Variants in DNM3 observed in about 807,000 individuals in gnomAD.
DNM3 encodes the protein dynamin-3.
In DNM3, 47 loss-of-function variants were observed where a neutral mutation model predicts 101.6. The ratio of observed to expected loss-of-function variants is 0.46; its 90% CI spans 0.37 to 0.59. The LOEUF is 0.59. Among genes scored for constraint, DNM3 ranks in the 20% least tolerant of loss-of-function variants. DNM3 has a pLI of 0.00. For missense variants in DNM3, 849 were observed against 1,085.7 expected (o/e 0.78, Z 3.06); for synonymous variants, 385 against 387.9 (o/e 0.99, Z 0.09).
At chr1:171,848,263 A>G (rs561302617) in intron 1 of DNM3, among the ~76,000 whole-genome samples, 1 of 151,980 alleles carries the variant, frequency 6.6e-6, no homozygotes, top group East Asian at 1.9e-4. Flanking sequence ...ACTCTCTTTC[A>G]TTACTCTTCT....
chr1:172,232,665 G>A (rs1216602001), intron 14 of DNM3, among the ~76,000 whole-genome samples: 1 of 152,164 alleles, frequency 6.6e-6, no homozygotes, highest in Non-Finnish European at 1.5e-5. Flanking sequence ...AAATGTAAAA[G>A]AACAGAAATT....
At chr1:172,417,584 CAG>C (rs1333852678), downstream of DNM3, among the ~76,000 whole-genome samples, 1 of 152,198 alleles carries the variant, frequency 6.6e-6, no homozygotes, top group Admixed American at 6.5e-5. Context: ...AGCTCTTAGA[CAG>C]AGGGAAATCC....
chr1:172,066,671 A>G (rs1572353560), intron 10 of DNM3, among the ~76,000 whole-genome samples: 1 of 152,260 alleles, frequency 6.6e-6, no homozygotes, highest in African/African-American at 2.4e-5. Context: ...ATGCTTGTGC[A>G]TAACCACATT....
At chr1:172,000,714 C>A (rs562917422) in intron 4 of DNM3, among the ~76,000 whole-genome samples, 100 of 152,128 alleles carry the variant, frequency 6.6e-4, no homozygotes, top group African/African-American at 2.3e-3. Context: ...TTGGATCTGG[C>A]ACTTGAAGGT....
At chr1:172,298,602 A>T (rs778639428) in intron 15 of DNM3, among the ~76,000 whole-genome samples, 1 of 151,746 alleles carries the variant, frequency 6.6e-6, no homozygotes, top group Non-Finnish European at 1.5e-5. Context: ...CCTGAGTACC[A>T]CTCCCAATAT....
rs754902487 is a variant in DNM3 at position 171,973,672 on chromosome 1, C to CTT, written c.236-13968_236-13967dup. On this transcript the variant is annotated intron_variant, in intron 2 of 20. Coordinates refer to ENST00000627582, the MANE Select transcript of DNM3 (RefSeq NM_015569.5). Reference sequence around the variant, plus strand: ...TCAAACATGGGTCTGACTCCAAAATCTTTTTTTTTTTTTTTTTGATACAAG... The same window carrying CTT: ...TCAAACATGGGTCTGACTCCAAAATCTTTTTTTTTTTTTTTTTTTGATACAAG... Among the ~76,000 whole-genome samples the CTT allele has an allele frequency of 4.6e-3, 624 of 137,108 alleles. 11 individuals are homozygous for CTT. Among genetic ancestry groups the CTT allele is most frequent in the African/African-American group, 0.015 (574 of 37,252 alleles). 89.9% of individuals were successfully genotyped at this position (137,108 alleles called of 152,430 possible).
intron 1 of DNM3, among the ~76,000 whole-genome samples, chr1:171,845,882 A>G (rs12132389): frequency 0.43 from 65,057 of 152,082 alleles, 14,106 homozygotes; most frequent in African/African-American, 0.46. Flanking sequence ...TGCTAATTAT[A>G]TAGGCAGAAG....
intron 1 of DNM3, among the ~76,000 whole-genome samples, chr1:171,908,639 TA>T (rs1250471739): frequency 6.8e-6 from 1 of 147,866 alleles, no homozygotes; most frequent in Non-Finnish European, 1.5e-5. Context: ...TGCTTCATTT[TA>T]AAGTATTTTA....
Position 172,056,903 on chromosome 1 carries a change from G to A in DNM3, c.1335+8153G>A, listed in dbSNP as rs1419432046. Among the ~76,000 whole-genome samples, 24 of 152,110 alleles carry A rather than the reference G, an allele frequency of 1.6e-4. No homozygotes were observed. The East Asian group carries it at 1.9e-3, about 12-fold the overall frequency. ...AGATGATCAAATTACTCTGAGCTAC[G>A]GGAGGACATTCAAACCAAAGGCAAA... On this transcript the variant is annotated intron_variant, in intron 10 of 20. Transcript: ENST00000627582.
intron 17 of DNM3, among the ~76,000 whole-genome samples, chr1:172,357,594 G>A (rs2067519121): frequency 6.6e-6 from 1 of 152,086 alleles, no homozygotes; most frequent in Non-Finnish European, 1.5e-5. Flanking sequence ...AATTAAAGGA[G>A]ACTAAAGAGG....
At chr1:172,282,786 TTCA>T (rs2063539854) in intron 15 of DNM3, among the ~76,000 whole-genome samples, 1 of 152,184 alleles carries the variant, frequency 6.6e-6, no homozygotes, top group South Asian at 2.1e-4. Context: ...GTCAGTATAG[TTCA>T]TCAGTCTTCT....
intron 2 of DNM3, among the ~76,000 whole-genome samples, chr1:171,933,923 A>G (rs2041220812): frequency 6.6e-6 from 1 of 152,220 alleles, no homozygotes; most frequent in Non-Finnish European, 1.5e-5. Context: ...TTTTAGCGGT[A>G]GAGAGTTAAG....
intron 20 of DNM3, among the ~76,000 whole-genome samples, chr1:172,403,552 T>C (rs145917493): frequency 6.6e-6 from 1 of 152,220 alleles, no homozygotes; most frequent in East Asian, 1.9e-4. Flanking sequence ...AAAGCCAGTT[T>C]CTCCCCCACA....
intron 1 of DNM3, among the ~76,000 whole-genome samples, chr1:171,869,758 T>TA (rs2035102894): frequency 6.6e-6 from 1 of 152,256 alleles, no homozygotes; most frequent in African/African-American, 2.4e-5. Context: ...GTAATGCTTA[T>TA]AGGCAATCAA....
chr1:172,155,155 A>T (rs2058288967), intron 14 of DNM3, among the ~76,000 whole-genome samples: 1 of 152,068 alleles, frequency 6.6e-6, no homozygotes, highest in African/African-American at 2.4e-5. Flanking sequence ...ATTGTGATTA[A>T]TAAAAATGTT....
chr1:172,118,651 A>T (rs2056089449), intron 13 of DNM3, among the ~76,000 whole-genome samples: 1 of 151,904 alleles, frequency 6.6e-6, no homozygotes, highest in South Asian at 2.1e-4. Context: ...ACATGGGAAA[A>T]TTTCACCTCT....
chr1:172,043,023 G>T (rs2125840769), intron 8 of DNM3, among the ~76,000 whole-genome samples: 1 of 152,204 alleles, frequency 6.6e-6, no homozygotes, highest in Middle Eastern at 3.4e-3. Flanking sequence ...CCTTGAAGAA[G>T]AATACAAAAT....
In DNM3 at chr1:172,408,870, G is replaced by T. The variant is rs1378071170; in HGVS notation, c.*1029G>T. ...CTAGGCTTTCTTAATAAATCTTGAG[G>T]CTATGGGATAATCACATTTAAAGAA... On this transcript the variant is annotated 3_prime_UTR_variant, in exon 21 of 21. Transcript: ENST00000627582. 1 of 985,134 alleles carries T rather than the reference G, an allele frequency of 1.0e-6. No individual in the cohort carries two copies. The highest frequency in any genetic ancestry group is 1.7e-5 in the African/African-American group (1 of 57,204). The allele number at this position is 985,134 out of a possible 1,614,324, so 61.0% of individuals were successfully genotyped here.
intron 1 of DNM3, among the ~76,000 whole-genome samples, chr1:171,915,825 T>C (rs889147903): frequency 1.3e-5 from 2 of 152,226 alleles, no homozygotes; most frequent in African/African-American, 4.8e-5. Context: ...TTCTAGTGTT[T>C]GGCTACCTCT....
Sources: allele counts gnomAD v4.1 joint callset (sites outside exome capture counted in the v4.1 genomes callset), GRCh38; gene constraint gnomAD v4.1.1; transcripts MANE v1.5; gene names NCBI Gene and HGNC (gene_info 2026-07-23, HGNC 2026-07-21).